Variants in XYLT1 observed in about 807,000 individuals in gnomAD.
XYLT1 encodes the protein xylosyltransferase 1.
In XYLT1, 36 loss-of-function variants were observed where a neutral mutation model predicts 91.3. The ratio of observed to expected loss-of-function variants is 0.39; its 90% CI spans 0.30 to 0.52. XYLT1 has a LOEUF of 0.52. Ranked by LOEUF, XYLT1 falls within the 20% of genes least tolerant of loss-of-function variation. The pLI, the probability that XYLT1 is intolerant of heterozygous loss-of-function variation, is 0.68. For synonymous variants in XYLT1, 588 were observed against 532.0 expected, an observed-to-expected ratio of 1.11 and a Z score of -1.45; for missense variants, 1,242 against 1,284.5, an observed-to-expected ratio of 0.97 and a Z score of 0.51.
At chr16:17,114,373 C>G (rs1370484280) in intron 11 of XYLT1, among the ~76,000 whole-genome samples, 1 of 152,170 alleles carries the variant, frequency 6.6e-6, no homozygotes, top group Non-Finnish European at 1.5e-5. Flanking sequence ...GGTCTTATGG[C>G]ACTGAGCCCT....
chr16:17,266,235 AT>A (rs2033801332), intron 2 of XYLT1, among the ~76,000 whole-genome samples: 1 of 152,080 alleles, frequency 6.6e-6, no homozygotes, highest in Non-Finnish European at 1.5e-5. Flanking sequence ...GGGACAGAAC[AT>A]TTCGCCTCTC....
At chr16:17,461,591 GATGA>G (rs1346928382) in intron 1 of XYLT1, among the ~76,000 whole-genome samples, 1 of 152,228 alleles carries the variant, frequency 6.6e-6, no homozygotes, top group Non-Finnish European at 1.5e-5. Flanking sequence ...ACAGAGGATG[GATGA>G]ATGGACGGAT....
intron 2 of XYLT1, among the ~76,000 whole-genome samples, chr16:17,344,298 C>T (rs4781998): frequency 4.0e-4 from 59 of 148,028 alleles, no homozygotes; most frequent in Middle Eastern, 6.8e-3. Flanking sequence ...CTGGCTAACA[C>T]GGTGAAACCC....
intron 2 of XYLT1, among the ~76,000 whole-genome samples, chr16:17,320,349 A>C (rs1241422224): frequency 6.6e-6 from 1 of 152,170 alleles, no homozygotes; most frequent in Non-Finnish European, 1.5e-5. Context: ...CAAGGCCTTC[A>C]TCTAACCCAC....
At chr16:17,273,704 T>C (rs369856547) in intron 2 of XYLT1, among the ~76,000 whole-genome samples, 38 of 151,860 alleles carry the variant, frequency 2.5e-4, no homozygotes, top group African/African-American at 8.2e-4. Flanking sequence ...ATTAGCCAGT[T>C]GTAGTGGTGG....
intron 1 of XYLT1, among the ~76,000 whole-genome samples, chr16:17,459,531 C>T (rs1172135199): frequency 2.0e-5 from 3 of 152,100 alleles, no homozygotes; most frequent in Admixed American, 6.5e-5. Context: ...TCCTGGGGCT[C>T]GTTTAGGACT....
At chr16:17,457,053 C>T (rs913684434) in intron 1 of XYLT1, among the ~76,000 whole-genome samples, 4 of 152,076 alleles carry the variant, frequency 2.6e-5, no homozygotes, top group Admixed American at 6.6e-5. Flanking sequence ...CCCGTGTACA[C>T]GAGGCAGCCA....
chr16:17,291,998 G>A (rs1203747331), intron 2 of XYLT1, among the ~76,000 whole-genome samples: 1 of 151,786 alleles, frequency 6.6e-6, no homozygotes, highest in Non-Finnish European at 1.5e-5. Context: ...ACCAGCCTGG[G>A]CAACATGGCA....
chr16:17,423,944 T>C (rs765812477), intron 1 of XYLT1, among the ~76,000 whole-genome samples: 1 of 152,130 alleles, frequency 6.6e-6, no homozygotes, highest in Non-Finnish European at 1.5e-5. Flanking sequence ...CCAGGAGCAA[T>C]TCTCATAGTA....
chr16:17,303,998 C>T (rs533584640), intron 2 of XYLT1, among the ~76,000 whole-genome samples: 6 of 150,118 alleles, frequency 4.0e-5, no homozygotes, highest in Middle Eastern at 3.4e-3. Flanking sequence ...TATACATGTG[C>T]GTGTGTGTGT....
chr16:17,465,361 C>G (rs750252703), intron 1 of XYLT1, among the ~76,000 whole-genome samples: 6 of 151,938 alleles, frequency 3.9e-5, no homozygotes, highest in Non-Finnish European at 7.4e-5. Flanking sequence ...CTCCTGGGGA[C>G]AGCAAAAGTC....
chr16:17,412,677 T>G (rs1342625931), intron 1 of XYLT1, among the ~76,000 whole-genome samples: 4 of 152,122 alleles, frequency 2.6e-5, no homozygotes, highest in Non-Finnish European at 5.9e-5. Context: ...ACAGGACAGT[T>G]TCTTATACTA....
chr16:17,173,809 G>C (rs1282309528), intron 5 of XYLT1, among the ~76,000 whole-genome samples: 2 of 152,212 alleles, frequency 1.3e-5, no homozygotes, highest in South Asian at 2.1e-4. Flanking sequence ...AATCCTTGCG[G>C]TACCACCTTG....
intron 9 of XYLT1, 27 bp from the exon 10 acceptor site, chr16:17,127,888 G>A (rs751731641): frequency 4.4e-6 from 7 of 1,604,856 alleles, no homozygotes; most frequent in Non-Finnish European, 6.0e-6. Flanking sequence ...TCATGCATTA[G>A]GGCCCAAGGT....
chr16:17,185,367 TCA>T (rs1163752800), intron 5 of XYLT1, among the ~76,000 whole-genome samples: 1 of 152,206 alleles, frequency 6.6e-6, no homozygotes, highest in Non-Finnish European at 1.5e-5. Context: ...CCTTTCAAAC[TCA>T]CACATTATCT....
chr16:17,286,973 C>A (rs1310489406), intron 2 of XYLT1, among the ~76,000 whole-genome samples: 1 of 152,156 alleles, frequency 6.6e-6, no homozygotes, highest in Non-Finnish European at 1.5e-5. Context: ...AGGCCACGAT[C>A]ATTCACTGAT....
At chr16:17,145,531 G>A (rs2031109190) in intron 6 of XYLT1, among the ~76,000 whole-genome samples, 1 of 152,192 alleles carries the variant, frequency 6.6e-6, no homozygotes. Flanking sequence ...TCATCACCAT[G>A]AATATAGAGG....
chr16:17,258,077 T>A (rs1446179630), intron 3 of XYLT1, among the ~76,000 whole-genome samples: 4 of 151,576 alleles, frequency 2.6e-5, no homozygotes, highest in Admixed American at 6.6e-5. Flanking sequence ...AGCTGGTTTA[T>A]CATCAGGTCA....
intron 3 of XYLT1, among the ~76,000 whole-genome samples, chr16:17,248,819 C>CTCA (rs1033197969): frequency 2.6e-4 from 38 of 148,486 alleles, no homozygotes; most frequent in African/African-American, 9.3e-4. Flanking sequence ...GCAATCTCAG[C>CTCA]TCACTGCAAC....
Sources: allele counts gnomAD v4.1 joint callset (sites outside exome capture counted in the v4.1 genomes callset), GRCh38; gene constraint gnomAD v4.1.1; transcripts MANE v1.5; gene names NCBI Gene and HGNC (gene_info 2026-07-23, HGNC 2026-07-21).